LGR6: variants seen among roughly 807,000 people sequenced by gnomAD.
The protein encoded by LGR6 is leucine-rich repeat-containing G protein-coupled receptor 6.
A neutral mutation model predicts 69.4 loss-of-function variants in LGR6; 45 were observed. That is an observed-to-expected ratio of 0.65 (90% CI 0.51 to 0.83). The LOEUF is 0.83. LGR6 is among the 40% of genes least tolerant of loss of function. The pLI is 0.00. For missense variants in LGR6, 1,108 were observed against 1,246.7 expected, an observed-to-expected ratio of 0.89 and a Z score of 1.68; for synonymous variants, 538 against 555.0, an observed-to-expected ratio of 0.97 and a Z score of 0.43.
chr1:202,195,120 C>A (rs1436277589), intron 1 of LGR6, among the ~76,000 whole-genome samples: 1 of 152,166 alleles, frequency 6.6e-6, no homozygotes, highest in Non-Finnish European at 1.5e-5. Context: ...CTCCTCCAGC[C>A]CAGCTCTGCA....
At chr1:202,304,280 A>G (rs1284698880) in intron 10 of LGR6, among the ~76,000 whole-genome samples, 2 of 151,798 alleles carry the variant, frequency 1.3e-5, no homozygotes, top group Non-Finnish European at 2.9e-5. Flanking sequence ...TGGGGTGGGG[A>G]TGGGATGGGG....
At chr1:202,196,773 A>T (rs10920359) in intron 1 of LGR6, among the ~76,000 whole-genome samples, 15,781 of 152,200 alleles carry the variant, frequency 0.1, 2,189 homozygotes, top group African/African-American at 0.31. Flanking sequence ...GCCTCTCCAC[A>T]CCAGAAGAAA....
chr1:202,235,955 C>G lies in LGR6; in HGVS notation c.390C>G (p.Pro130=). Reference sequence around the variant, plus strand: ...AGAACAATCAGCTGGGAGGAATCCCCGCAGAGGCGCTGTGGGAGCTGCCGA... The same window carrying G: ...AGAACAATCAGCTGGGAGGAATCCCGGCAGAGGCGCTGTGGGAGCTGCCGA... ...MLQNNQLGGI[P]AEALWELPSL... is the part of the protein sequence containing the mutation. Residue 130 remains proline (P), a synonymous_variant, in exon 4 of 18, where the codon CCC becomes CCG. Coordinates refer to ENST00000367278, the MANE Select transcript of LGR6 (RefSeq NM_001017403.2). 12 of 1,613,996 alleles carry G rather than the reference C, an allele frequency of 7.4e-6. No individual in the cohort carries two copies. Among genetic ancestry groups the G allele is most frequent in the Non-Finnish European group, 9.3e-6 (11 of 1,180,000 alleles).
At chr1:202,245,609 C>T (rs1256317625) in intron 4 of LGR6, among the ~76,000 whole-genome samples, 1 of 152,132 alleles carries the variant, frequency 6.6e-6, no homozygotes, top group Non-Finnish European at 1.5e-5. Flanking sequence ...CTGCCCTCTG[C>T]GCCCCACAGA....
chr1:202,194,565 G>T (rs763335188), intron 1 of LGR6: 1 of 570,564 alleles, frequency 1.8e-6, no homozygotes, highest in African/African-American at 1.9e-5. Context: ...TGCCCGGGAT[G>T]GTGGCTGAGG....
intron 1 of LGR6, chr1:202,197,381 C>T (rs371451954): frequency 2.3e-5 from 12 of 532,192 alleles, no homozygotes; most frequent in Non-Finnish European, 3.5e-5. Context: ...GTTGGGAAGA[C>T]GGACTTCAGA....
intron 6 of LGR6, among the ~76,000 whole-genome samples, chr1:202,291,947 A>G (rs963260372): frequency 1.3e-5 from 2 of 152,234 alleles, no homozygotes; most frequent in Non-Finnish European, 2.9e-5. Context: ...CATTCTGACT[A>G]CAGGGATTGG....
chr1:202,194,815 C>G (rs1318037602), intron 1 of LGR6, among the ~76,000 whole-genome samples: 3 of 152,172 alleles, frequency 2.0e-5, no homozygotes, highest in Non-Finnish European at 4.4e-5. Context: ...CCTGGCTCCC[C>G]CAGGGGCCTC....
intron 1 of LGR6, among the ~76,000 whole-genome samples, chr1:202,222,471 G>A (rs1571835348): frequency 6.6e-6 from 1 of 152,152 alleles, no homozygotes; most frequent in Admixed American, 6.5e-5. Flanking sequence ...GGCCCCTGGG[G>A]GGACAGCTGA....
intron 1 of LGR6, among the ~76,000 whole-genome samples, chr1:202,209,420 A>G (rs977119340): frequency 2.6e-5 from 4 of 152,194 alleles, no homozygotes; most frequent in Non-Finnish European, 5.9e-5. Context: ...GGCTGCAGCT[A>G]GTCCAGGCAA....
At chr1:202,251,176 T>C (rs1663208304) in intron 4 of LGR6, among the ~76,000 whole-genome samples, 1 of 152,144 alleles carries the variant, frequency 6.6e-6, no homozygotes, top group Non-Finnish European at 1.5e-5. Flanking sequence ...ACTGGCTCTC[T>C]GTGCTGTGAA....
intron 6 of LGR6, among the ~76,000 whole-genome samples, chr1:202,288,740 C>T (rs1028938111): frequency 2.6e-5 from 4 of 152,232 alleles, no homozygotes; most frequent in African/African-American, 7.2e-5. Context: ...ACTGAACCCA[C>T]GAGGATGGTC....
At chr1:202,238,820 C>T (rs1661867936) in intron 4 of LGR6, among the ~76,000 whole-genome samples, 2 of 151,696 alleles carry the variant, frequency 1.3e-5, no homozygotes, top group African/African-American at 2.4e-5. Context: ...CGGGGAATAA[C>T]GTTTCAGACA....
At chr1:202,227,792 A>C (rs551010618) in intron 2 of LGR6, 144 bp from the exon 3 acceptor site, 2 of 620,356 alleles carry the variant, frequency 3.2e-6, no homozygotes, top group East Asian at 5.5e-5. Context: ...AATGCATGTG[A>C]AGTATTAAAC....
rs749850205 is a variant in LGR6, at chr1:202,235,978, C to G, written c.413C>G (p.Pro138Arg). ...CCCGCAGAGGCGCTGTGGGAGCTGC[C>G]GAGCCTGCAGTCGCTGTGAGTCATT... The part of the protein sequence containing the change: ...GIPAEALWEL[P>R]SLQSLRLDAN... The change falls in exon 4 of 18, where the codon CCG (proline) becomes CGG (arginine). Residue 138 changes from proline (P) to arginine (R), a missense_variant. Physicochemically the swap from Pro to Arg is moderately radical, Grantham distance 103 (BLOSUM62 -2). Transcript: ENST00000367278. The G allele has an allele frequency of 2.5e-6, 4 of 1,613,670 alleles. No homozygotes were observed. The highest frequency in any genetic ancestry group is 3.4e-6 in the Non-Finnish European group (4 of 1,179,920).
At chr1:202,294,238 G>A (rs1166014435) in intron 6 of LGR6, among the ~76,000 whole-genome samples, 1 of 152,186 alleles carries the variant, frequency 6.6e-6, no homozygotes, top group Non-Finnish European at 1.5e-5. Flanking sequence ...ATGAAACAAT[G>A]TTTCTATTTT....
intron 4 of LGR6, among the ~76,000 whole-genome samples, chr1:202,244,672 C>T (rs926572513): frequency 6.6e-6 from 1 of 152,170 alleles, no homozygotes; most frequent in African/African-American, 2.4e-5. Context: ...GACCATCTCA[C>T]CCCAAGATCC....
intron 5 of LGR6, among the ~76,000 whole-genome samples, chr1:202,278,940 C>G (rs1399839078): frequency 6.6e-6 from 1 of 152,152 alleles, no homozygotes; most frequent in African/African-American, 2.4e-5. Flanking sequence ...GTAATCTTGT[C>G]TCTTTATCTG....
chr1:202,225,556 A>G (rs1013599509), intron 2 of LGR6, 62 bp downstream of exon 2: 1 of 1,443,514 alleles, frequency 6.9e-7, no homozygotes, highest in South Asian at 1.1e-5. Flanking sequence ...CTCTGGAACC[A>G]GAGCTCCCCA....
Sources: allele counts gnomAD v4.1 joint callset (sites outside exome capture counted in the v4.1 genomes callset), GRCh38; gene constraint gnomAD v4.1.1; transcripts MANE v1.5; gene names NCBI Gene and HGNC (gene_info 2026-07-23, HGNC 2026-07-21).